The following AKAP11 variants were observed in gnomAD, a reference collection of about 807,000 sequenced individuals.
The protein encoded by AKAP11 is A-kinase anchoring protein 11.
In AKAP11, 36 loss-of-function variants were observed where a neutral mutation model predicts 146.1. The ratio of observed to expected loss-of-function variants is 0.25; its 90% CI spans 0.19 to 0.33. AKAP11 has a LOEUF of 0.33. Ranked by LOEUF, AKAP11 falls within the 10% of genes least tolerant of loss-of-function variation. The pLI is 1.00. For synonymous variants in AKAP11, 780 were observed against 786.5 expected (o/e 0.99, Z 0.14); for missense variants, 2,201 against 2,197.0 (o/e 1.00, Z -0.04).
chr13:42,291,508 A>G lies in AKAP11; in HGVS notation c.52-877A>G, dbSNP rs544038113. Among the ~76,000 whole-genome samples the G allele has an allele frequency of 2.1e-4, 32 of 152,304 alleles. No individual in the cohort carries two copies. The South Asian group carries it at 4.6e-3, about 22-fold the overall frequency. ...CCTCAAGTGATCCACCCGCCTCCCAAAGTGCTGGGATTACACACGTGAGCC... is the reference window on the plus strand; with the variant it reads ...CCTCAAGTGATCCACCCGCCTCCCAGAGTGCTGGGATTACACACGTGAGCC... On this transcript the variant is annotated intron_variant, in intron 3 of 12. Transcript: ENST00000025301.
At chr13:42,305,829 A>T (rs1960225188) in intron 8 of AKAP11, among the ~76,000 whole-genome samples, 1 of 152,216 alleles carries the variant, frequency 6.6e-6, no homozygotes, top group Admixed American at 6.5e-5. Context: ...ACAGTTCTGC[A>T]TGGCTGGGAA....
rs1960031107 is a variant in AKAP11 at position 42,302,967 on chromosome 13, G to A, written c.4221G>A (p.Lys1407=). 1.2e-6 allele frequency: 2 copies of A among 1,613,508 alleles called. No individual in the cohort carries two copies. Among genetic ancestry groups the A allele is most frequent in the African/African-American group, 1.3e-5 (1 of 74,818 alleles). ...PVPSSQVKTN[K]ELLMFSNKEH... is the part of the protein sequence containing the mutation. ...CAAGTTCACAAGTGAAAACAAACAA[G>A]GAACTGTTAATGTTTTCAAACAAAG... is the stretch of plus-strand genomic sequence containing the variant. Residue 1407 remains lysine, a synonymous_variant, in exon 8 of 13, where the codon AAG becomes AAA. Coordinates refer to ENST00000025301, the MANE Select transcript of AKAP11 (RefSeq NM_016248.4).
intron 6 of AKAP11, 82 bp from the exon 7 acceptor site, chr13:42,298,451 A>T: frequency 7.0e-7 from 1 of 1,423,460 alleles, no homozygotes; most frequent in South Asian, 1.4e-5. Flanking sequence ...TTTCTCTGAG[A>T]TTGTCTTATA....
upstream of AKAP11, among the ~76,000 whole-genome samples, chr13:42,271,633 G>C (rs1026758556): frequency 6.6e-6 from 1 of 152,196 alleles, no homozygotes; most frequent in Non-Finnish European, 1.5e-5. Flanking sequence ...TAAGACTAAG[G>C]GGTCGAGGGA....
intron 9 of AKAP11, among the ~76,000 whole-genome samples, chr13:42,308,965 A>G (rs915963696): frequency 5.3e-5 from 8 of 152,070 alleles, no homozygotes; most frequent in African/African-American, 1.9e-4. Flanking sequence ...AAGGACAGGT[A>G]TCTGTAAAAG....
At chr13:42,296,075 G>C (rs1279597105) in intron 5 of AKAP11, among the ~76,000 whole-genome samples, 1 of 152,194 alleles carries the variant, frequency 6.6e-6, no homozygotes, top group Non-Finnish European at 1.5e-5. Flanking sequence ...ATTGGGATCA[G>C]CAAAGGAAAG....
At chr13:42,274,548 A>G (rs1342568240) in intron 1 of AKAP11, among the ~76,000 whole-genome samples, 2 of 152,134 alleles carry the variant, frequency 1.3e-5, no homozygotes, top group South Asian at 2.1e-4. Flanking sequence ...GCCACGTGTT[A>G]TGGCACATGC....
At chr13:42,318,415 T>C (rs1052926798) in intron 12 of AKAP11, among the ~76,000 whole-genome samples, 4 of 152,212 alleles carry the variant, frequency 2.6e-5, no homozygotes, top group Non-Finnish European at 5.9e-5. Context: ...GTTAAGCATA[T>C]ATATGTTACA....
At chr13:42,278,258 T>C (rs1229603230) in intron 1 of AKAP11, among the ~76,000 whole-genome samples, 1 of 152,222 alleles carries the variant, frequency 6.6e-6, no homozygotes, top group East Asian at 1.9e-4. Flanking sequence ...TTAATAGATA[T>C]TAAGACATAC....
At position 42,300,787 on chromosome 13, in the gene AKAP11, T is replaced by C. The variant is rs748522284; in HGVS notation, c.2041T>C (p.Phe681Leu). ...ATCTCCACAGTGTGGGTCGTTTGAC[T>C]TTGAAGACAAAGTAGTGAAGTTGTA... ...PASPQCGSFD[F>L]EDKVVKLYAK... The change falls in exon 8 of 13, where the codon TTT becomes CTT. Residue 681 changes from phenylalanine (F) to leucine (L), a missense_variant. This residue lies in a region of AKAP11 where 1,867 missense variants were observed against 1,833.5 expected (regional missense o/e 1.02). Coordinates refer to ENST00000025301, the MANE Select transcript of AKAP11 (RefSeq NM_016248.4). The C allele has an allele frequency of 1.4e-5, 23 of 1,614,130 alleles. No homozygotes were observed. In the South Asian group the frequency reaches 2.3e-4, roughly 16 times the overall value.
chr13:42,294,528 G>A (rs1040007793), intron 4 of AKAP11, among the ~76,000 whole-genome samples: 3 of 151,740 alleles, frequency 2.0e-5, no homozygotes, highest in African/African-American at 7.3e-5. Flanking sequence ...TCAGCCTCCC[G>A]AGTAGCTGGG....
In AKAP11 at chr13:42,303,532, C is replaced by T; in HGVS notation, c.4786C>T (p.His1596Tyr). ...CAGATACTGTGACCTTAAAGAACTC[C>T]ACAATTGCACTGGAAATTCATCTCA... ...ACRYCDLKEL[H>Y]NCTGNSSQHF... is the part of the protein sequence containing the mutation. The change falls in exon 8 of 13, where the codon CAC becomes TAC. Residue 1596 changes from histidine (H) to tyrosine (Y), a missense_variant. By Grantham distance (83) the His-to-Tyr change is moderately conservative (BLOSUM62 2). Around this residue, in one of 3 missense-constraint regions of AKAP11, gnomAD observed 1,867 missense variants for 1,833.5 expected, o/e 1.02. Coordinates refer to ENST00000025301, the MANE Select transcript of AKAP11 (RefSeq NM_016248.4). 6.2e-7 allele frequency: 1 copy of T among 1,614,202 alleles called. No individual in the cohort carries two copies. The highest frequency in any genetic ancestry group is 8.5e-7 in the Non-Finnish European group (1 of 1,180,034).
intron 8 of AKAP11, among the ~76,000 whole-genome samples, chr13:42,306,726 T>C (rs1345270994): frequency 6.6e-6 from 1 of 152,272 alleles, no homozygotes; most frequent in Non-Finnish European, 1.5e-5. Context: ...TTATTTCACC[T>C]GATGTCCCTT....
At chr13:42,284,336 G>A (rs1399792440) in intron 1 of AKAP11, among the ~76,000 whole-genome samples, 1 of 152,202 alleles carries the variant, frequency 6.6e-6, no homozygotes, top group Non-Finnish European at 1.5e-5. Context: ...CTGCCCTGCA[G>A]GTGCCACTTT....
intron 1 of AKAP11, among the ~76,000 whole-genome samples, chr13:42,274,326 C>G (rs1478779193): frequency 6.6e-6 from 1 of 152,028 alleles, no homozygotes; most frequent in African/African-American, 2.4e-5. Context: ...AGTTTAAAAA[C>G]AGCCTGGAAA....
intron 6 of AKAP11, among the ~76,000 whole-genome samples, chr13:42,297,818 G>T (rs1353458151): frequency 6.6e-6 from 1 of 151,872 alleles, no homozygotes; most frequent in Admixed American, 6.6e-5. Flanking sequence ...CTGCTATGTT[G>T]TTCTTTATAA....
chr13:42,313,780 A>T, intron 10 of AKAP11, 114 bp from the exon 11 acceptor site: 1 of 813,614 alleles, frequency 1.2e-6, no homozygotes, highest in Non-Finnish European at 1.9e-6. Context: ...CCCCTTTCTA[A>T]ATGTCATATG....
intron 8 of AKAP11, among the ~76,000 whole-genome samples, chr13:42,308,251 G>A (rs139138901): frequency 1.1e-3 from 168 of 152,230 alleles, no homozygotes; most frequent in African/African-American, 3.6e-3. Flanking sequence ...CTGTTGGTGG[G>A]TACCTCAGTT....
rs1488895258 is a variant in AKAP11 at position 42,297,178 on chromosome 13, A to G, written c.347A>G (p.Asn116Ser). Reference sequence around the variant, plus strand: ...TTAGATATAAGCAGTGATCCTCTAAATCAGGTAACTTTTGTAGATAATTTC... The same window carrying G: ...TTAGATATAAGCAGTGATCCTCTAAGTCAGGTAACTTTTGTAGATAATTTC... ...KPLDISSDPL[N>S]QSHPSGMLCV... Residue 116 changes from asparagine to serine, a missense_variant, in exon 6 of 13, where the codon AAT becomes AGT. By Grantham distance (46) the Asn-to-Ser change is conservative. This residue lies in a region of AKAP11 where 331 missense variants were observed against 347.4 expected (regional missense o/e 0.95). Coordinates refer to ENST00000025301, the MANE Select transcript of AKAP11 (RefSeq NM_016248.4). 2.1e-6 allele frequency: 3 copies of G among 1,443,286 alleles called. No individual in the cohort carries two copies. Among genetic ancestry groups the G allele is most frequent in the Admixed American group, 4.9e-5 (2 of 40,790 alleles). 89.4% of individuals were successfully genotyped at this position (1,443,286 alleles called of 1,614,324 possible).
Sources: allele counts gnomAD v4.1 joint callset (sites outside exome capture counted in the v4.1 genomes callset), GRCh38; gene constraint gnomAD v4.1.1; regional missense constraint gnomAD v4.1.1; transcripts MANE v1.5; gene names NCBI Gene and HGNC (gene_info 2026-07-23, HGNC 2026-07-21).